Variants in POLR1C observed in about 807,000 individuals in gnomAD.
POLR1C encodes the protein RNA polymerase I and III subunit C, also known as DNA-directed RNA polymerases I and III subunit RPAC1.
In POLR1C, 42 loss-of-function variants were observed where a neutral mutation model predicts 38.3. That is an observed-to-expected ratio of 1.10 (90% CI 0.86 to 1.42). The LOEUF is 1.42. Among genes scored for constraint, POLR1C ranks in the 40% most tolerant of loss-of-function variants. POLR1C has a pLI of 0.00. For missense variants in POLR1C, 507 were observed against 450.5 expected (o/e 1.13, Z -1.14); for synonymous variants, 163 against 163.9 (o/e 0.99, Z 0.04).
intron 9 of POLR1C, among the ~76,000 whole-genome samples, chr6:43,537,321 T>C (rs1369761873): frequency 1.3e-5 from 2 of 152,150 alleles, no homozygotes; most frequent in African/African-American, 2.4e-5. Context: ...CTGTAATACA[T>C]ACCTGGGAGT....
chr6:43,522,168 A>G (rs1302535053), downstream of POLR1C, among the ~76,000 whole-genome samples: 1 of 152,216 alleles, frequency 6.6e-6, no homozygotes, highest in Non-Finnish European at 1.5e-5. Flanking sequence ...TAGTCTGGGT[A>G]TGTCAGGAAT....
intron 9 of POLR1C, chr6:43,538,929 T>C: frequency 7.8e-7 from 1 of 1,276,148 alleles, no homozygotes; most frequent in Non-Finnish European, 1.1e-6. Flanking sequence ...GTAAATACAG[T>C]CTCCTTCCAG....
At chr6:43,553,511 A>G in intron 10 of POLR1C, 1 of 1,421,810 alleles carries the variant, frequency 7.0e-7, no homozygotes, top group South Asian at 1.4e-5. Flanking sequence ...AAGCTTTAAA[A>G]CACACACACA....
chr6:43,540,520 G>GCA (rs751602609), intron 9 of POLR1C, among the ~76,000 whole-genome samples: 27 of 152,210 alleles, frequency 1.8e-4, no homozygotes, highest in Non-Finnish European at 3.4e-4. Context: ...AGGCATGGTG[G>GCA]CACACACCTG....
chr6:43,555,697 C>CT (rs1374242304), intron 10 of POLR1C: 1 of 1,057,280 alleles, frequency 9.5e-7, no homozygotes, highest in African/African-American at 1.6e-5. Flanking sequence ...AAAACGCTCC[C>CT]TCTCCAGGAT....
At chr6:43,534,197 A>G (rs952463693), downstream of POLR1C, among the ~76,000 whole-genome samples, 1 of 152,222 alleles carries the variant, frequency 6.6e-6, no homozygotes, top group African/African-American at 2.4e-5. Flanking sequence ...AGATATAATT[A>G]TCTTAGTATA....
At chr6:43,553,292 A>G in intron 10 of POLR1C, 5 of 1,486,104 alleles carry the variant, frequency 3.4e-6, no homozygotes, top group Non-Finnish European at 4.5e-6. Flanking sequence ...ACAGAGAGAT[A>G]TAGCGTCCCA....
chr6:43,523,804 A>G, downstream of POLR1C: 5 of 1,613,250 alleles, frequency 3.1e-6, no homozygotes, highest in Non-Finnish European at 4.2e-6. Flanking sequence ...GGGCCTAGAG[A>G]TCGGCTACAA....
At chr6:43,530,668 A>G, downstream of POLR1C, 3 of 1,610,442 alleles carry the variant, frequency 1.9e-6, no homozygotes, top group African/African-American at 1.3e-5. Flanking sequence ...TGGGTTATGT[A>G]GAGACTTTTG....
intron 9 of POLR1C, among the ~76,000 whole-genome samples, chr6:43,549,015 C>T (rs1368980759): frequency 1.3e-5 from 2 of 152,170 alleles, no homozygotes; most frequent in Admixed American, 6.6e-5. Flanking sequence ...TTTGCCATCA[C>T]ATTTCTAACT....
At chr6:43,547,500 C>T (rs757055153) in intron 9 of POLR1C, 12 of 959,922 alleles carry the variant, frequency 1.3e-5, no homozygotes, top group African/African-American at 3.2e-5. Context: ...GAGACTCCCA[C>T]GTTTCTCACC....
chr6:43,558,852 T>C (rs554170183), intron 10 of POLR1C: 7 of 351,998 alleles, frequency 2.0e-5, no homozygotes, highest in African/African-American at 1.3e-4. Context: ...TCTTGAATTC[T>C]TTTAAGGTCC....
downstream of POLR1C, chr6:43,530,708 T>TA: frequency 6.2e-7 from 1 of 1,613,986 alleles, no homozygotes; most frequent in Non-Finnish European, 8.5e-7. Context: ...TCTGAGTCGG[T>TA]AGTCAGGAAT....
At chr6:43,530,582 C>G, downstream of POLR1C, 1 of 1,338,296 alleles carries the variant, frequency 7.5e-7, no homozygotes, top group Non-Finnish European at 1.0e-6. Flanking sequence ...ATAATCTCAT[C>G]TCTTCCTTCC....
At chr6:43,533,820 G>A (rs1319970458), downstream of POLR1C, 1 of 988,260 alleles carries the variant, frequency 1.0e-6, no homozygotes. Flanking sequence ...GGGTGACAGA[G>A]ACTATGACTC....
chr6:43,541,379 T>C (rs1561872387), intron 9 of POLR1C, among the ~76,000 whole-genome samples: 1 of 152,236 alleles, frequency 6.6e-6, no homozygotes, highest in Non-Finnish European at 1.5e-5. Flanking sequence ...ATGTACCCCA[T>C]AAATATATGT....
chr6:43,520,181 C>A lies in POLR1C; in HGVS notation c.498C>A (p.His166Gln). ...SSDPNELYVN[H>Q]KVYTRHMTWI... ...ACCCCAACGAACTGTACGTGAACCA[C>A]AAAGGTGAGTAGTGGTAGGGTGAGG... The change falls in exon 5 of 9, where the codon CAC (histidine) becomes CAA (glutamine). Residue 166 changes from histidine to glutamine, a missense_variant. Transcript: ENST00000642195. The A allele has an allele frequency of 6.2e-7, 1 of 1,614,186 alleles. No individual in the cohort carries two copies.
rs563472062 is a variant in POLR1C at position 43,555,853 on chromosome 6, T to A, written c.*48+4842T>A. On this transcript the variant is annotated intron_variant, in intron 10 of 10. Transcript: ENST00000607635. ...AAACTTACAATTCACAGAACCAGCA[T>A]CAAGAAAAGTTGATAGTTGATACTT... 1.2e-6 allele frequency: 2 copies of A among 1,613,766 alleles called. No homozygotes were observed. Among genetic ancestry groups the A allele is most frequent in the Admixed American group, 3.3e-5 (2 of 59,962 alleles).
downstream of POLR1C, chr6:43,522,591 G>C (rs899953756): frequency 2.9e-6 from 1 of 342,210 alleles, no homozygotes; most frequent in East Asian, 9.0e-5. Context: ...CAGGAAGAGG[G>C]AGCAACACAA....
Sources: gnomAD v4.1 joint callset for allele counts (sites outside exome capture counted in the v4.1 genomes callset) on GRCh38, gnomAD v4.1.1 for gene constraint, MANE v1.5 for transcripts, NCBI Gene and HGNC (gene_info 2026-07-23, HGNC 2026-07-21) for gene names.